ERC2: variants seen among roughly 807,000 people sequenced by gnomAD.
ERC2 encodes the protein ELKS/RAB6-interacting/CAST family member 2, also known as ERC protein 2.
Under a neutral mutation model 114.8 loss-of-function variants are expected in ERC2, and 42 were observed. That is an observed-to-expected ratio of 0.37 (90% CI 0.29 to 0.47). ERC2 has a LOEUF of 0.47. Among genes scored for constraint, ERC2 ranks in the 20% least tolerant of loss-of-function variants. The pLI is 0.99. For synonymous variants in ERC2, 454 were observed against 425.5 expected (o/e 1.07, Z -0.82); for missense variants, 939 against 1,150.7 (o/e 0.82, Z 2.66).
rs746514541 is a variant in ERC2 at position 56,270,169 on chromosome 3, T to TA, written c.1074+25849dup. 6.7e-3 allele frequency among the ~76,000 whole-genome samples: 918 copies of TA among 136,692 alleles called. 5 individuals are homozygous for TA. Among genetic ancestry groups the TA allele is most frequent in the East Asian group, 0.012 (57 of 4,742 alleles). 89.7% of individuals were successfully genotyped at this position (136,692 alleles called of 152,430 possible). ...TTTCCAATGAGGGCACAAGAGCACCTAAAAAAAAAAAAGAAAGAAAAACAA... is the reference window on the plus strand; with the variant it reads ...TTTCCAATGAGGGCACAAGAGCACCTAAAAAAAAAAAAAGAAAGAAAAACAA... On this transcript the variant is annotated intron_variant, in intron 3 of 17. Coordinates refer to ENST00000288221, the MANE Select transcript of ERC2 (RefSeq NM_015576.3).
chr3:56,316,879 G>A (rs557146382), intron 2 of ERC2, among the ~76,000 whole-genome samples: 4 of 152,116 alleles, frequency 2.6e-5, no homozygotes, highest in African/African-American at 7.2e-5. Context: ...TTCTTCCTTC[G>A]TTAGAGTCTA....
intron 6 of ERC2, among the ~76,000 whole-genome samples, chr3:56,094,819 C>T (rs550089901): frequency 7.2e-5 from 11 of 152,150 alleles, no homozygotes; most frequent in Non-Finnish European, 1.6e-4. Context: ...GTAGGGGAAA[C>T]ATGGATTATT....
intron 14 of ERC2, among the ~76,000 whole-genome samples, chr3:55,788,906 G>C (rs1411956688): frequency 6.6e-6 from 1 of 152,112 alleles, no homozygotes; most frequent in Admixed American, 6.5e-5. Flanking sequence ...TCCAAAACTA[G>C]AACATAACCA....
At chr3:56,011,462 C>T (rs1374655678) in intron 8 of ERC2, among the ~76,000 whole-genome samples, 3 of 152,070 alleles carry the variant, frequency 2.0e-5, no homozygotes, top group Admixed American at 6.6e-5. Context: ...TCAGCCACAC[C>T]CATGAGACCA....
At chr3:55,893,790 T>C (rs1004949273) in intron 13 of ERC2, among the ~76,000 whole-genome samples, 2 of 152,216 alleles carry the variant, frequency 1.3e-5, no homozygotes, top group Admixed American at 6.5e-5. Flanking sequence ...CCCTCCCACA[T>C]GTATAATAAG....
chr3:55,943,053 C>A (rs1056890104), intron 13 of ERC2, among the ~76,000 whole-genome samples: 2 of 152,132 alleles, frequency 1.3e-5, no homozygotes, highest in Non-Finnish European at 2.9e-5. Context: ...CAGGTGCCCC[C>A]CTGACTAACC....
chr3:56,333,421 G>A (rs2057716872), intron 2 of ERC2, among the ~76,000 whole-genome samples: 2 of 152,242 alleles, frequency 1.3e-5, no homozygotes, highest in South Asian at 4.1e-4. Context: ...TGTGGACTAT[G>A]AAGCAGGGAA....
At chr3:55,839,566 A>T (rs1385886808) in intron 14 of ERC2, among the ~76,000 whole-genome samples, 1 of 151,972 alleles carries the variant, frequency 6.6e-6, no homozygotes, top group African/African-American at 2.4e-5. Context: ...GAAAGAAAAA[A>T]ATGGAAATAT....
At chr3:56,262,319 A>G (rs536610542) in intron 3 of ERC2, among the ~76,000 whole-genome samples, 22 of 152,310 alleles carry the variant, frequency 1.4e-4, no homozygotes, top group African/African-American at 4.6e-4. Context: ...CACACACTCA[A>G]TGAAGGTGAA....
chr3:55,932,773 G>A (rs750031894), intron 13 of ERC2, among the ~76,000 whole-genome samples: 69 of 152,176 alleles, frequency 4.5e-4, no homozygotes, highest in Non-Finnish European at 5.6e-4. Context: ...GAGCCATCCT[G>A]GAAATTTTTT....
At chr3:56,412,292 T>C (rs1576830974) in intron 2 of ERC2, among the ~76,000 whole-genome samples, 1 of 152,246 alleles carries the variant, frequency 6.6e-6, no homozygotes, top group African/African-American at 2.4e-5. Flanking sequence ...CACCTTGATT[T>C]CAGACTTCTG....
intron 13 of ERC2, among the ~76,000 whole-genome samples, chr3:55,906,305 G>A (rs933927658): frequency 4.6e-5 from 7 of 151,848 alleles, no homozygotes; most frequent in Admixed American, 2.6e-4. Context: ...GGTGGCAGGC[G>A]CCTGTAGTCC....
At chr3:56,123,907 G>A (rs935294873) in intron 6 of ERC2, among the ~76,000 whole-genome samples, 2 of 152,102 alleles carry the variant, frequency 1.3e-5, no homozygotes, top group African/African-American at 4.8e-5. Context: ...ACATAAGGAC[G>A]CCCTAAGGAC....
intron 17 of ERC2, among the ~76,000 whole-genome samples, chr3:55,603,986 T>A (rs2058531920): frequency 6.6e-6 from 1 of 152,142 alleles, no homozygotes. Flanking sequence ...CCCCCCAGCA[T>A]GTCTCTCCGG....
At chr3:55,636,616 T>G (rs2059967650) in intron 17 of ERC2, among the ~76,000 whole-genome samples, 1 of 152,184 alleles carries the variant, frequency 6.6e-6, no homozygotes, top group Non-Finnish European at 1.5e-5. Flanking sequence ...AGCAAACTTT[T>G]CCTGTAAGGA....
intron 2 of ERC2, among the ~76,000 whole-genome samples, chr3:56,363,511 G>A (rs1470739381): frequency 6.6e-6 from 1 of 152,154 alleles, no homozygotes; most frequent in Non-Finnish European, 1.5e-5. Context: ...TATACAGTGA[G>A]AAGCAGAAGC....
At chr3:56,156,102 C>T (rs2081703856) in intron 4 of ERC2, among the ~76,000 whole-genome samples, 1 of 152,024 alleles carries the variant, frequency 6.6e-6, no homozygotes, top group Non-Finnish European at 1.5e-5. Context: ...GTGGAGACGA[C>T]AAAACCATCA....
intron 10 of ERC2, among the ~76,000 whole-genome samples, chr3:55,994,300 T>C (rs941771154): frequency 1.3e-5 from 2 of 152,140 alleles, no homozygotes; most frequent in African/African-American, 4.8e-5. Context: ...CCTTTCCTGA[T>C]GCTAATTTTT....
chr3:56,126,792 GAAGGA>G (rs2079891409), intron 6 of ERC2, among the ~76,000 whole-genome samples: 1 of 62,922 alleles, frequency 1.6e-5, no homozygotes, highest in African/African-American at 1.0e-4. Flanking sequence ...AGAAAAGAAA[GAAGGA>G]AAGGAAAGGG....
Sources: gnomAD v4.1 joint callset for allele counts (sites outside exome capture counted in the v4.1 genomes callset) on GRCh38, gnomAD v4.1.1 for gene constraint, MANE v1.5 for transcripts, NCBI Gene and HGNC (gene_info 2026-07-23, HGNC 2026-07-21) for gene names.